The following ATP8B1 variants were observed in gnomAD, a reference collection of about 807,000 sequenced individuals.
ATP8B1 encodes the protein ATPase phospholipid transporting 8B1.
In ATP8B1, 80 loss-of-function variants were observed where a neutral mutation model predicts 149.9. The ratio of observed to expected loss-of-function variants is 0.53; its 90% CI spans 0.45 to 0.64. ATP8B1 has a LOEUF of 0.64. ATP8B1 is among the 30% of genes least tolerant of loss of function. ATP8B1 has a pLI of 0.00. For missense variants in ATP8B1, 1,247 were observed against 1,552.6 expected (o/e 0.80, Z 3.31); for synonymous variants, 536 against 562.8 (o/e 0.95, Z 0.67).
At chr18:57,763,160 G>A (rs146005530) in intron 1 of ATP8B1, among the ~76,000 whole-genome samples, 2,542 of 152,212 alleles carry the variant, frequency 0.017, 46 homozygotes, top group African/African-American at 0.055. Flanking sequence ...TTGGGAAGCC[G>A]AAGCGGGCAG....
chr18:57,718,109 A>G (rs1202002069), intron 2 of ATP8B1, among the ~76,000 whole-genome samples: 2 of 149,366 alleles, frequency 1.3e-5, no homozygotes, highest in Non-Finnish European at 3.0e-5. Flanking sequence ...TAACTAAAAA[A>G]AAAAAAAAAA....
At chr18:57,754,009 T>C (rs1318265862) in intron 1 of ATP8B1, among the ~76,000 whole-genome samples, 8 of 150,556 alleles carry the variant, frequency 5.3e-5, no homozygotes, top group African/African-American at 1.7e-4. Context: ...GAAAATGTTA[T>C]AGAAAACTAT....
intron 1 of ATP8B1, among the ~76,000 whole-genome samples, chr18:57,775,263 C>A (rs1410848029): frequency 1.3e-5 from 2 of 151,752 alleles, no homozygotes; most frequent in Admixed American, 1.3e-4. Context: ...CTGCAGTGAG[C>A]AATGATCATG....
intron 2 of ATP8B1, among the ~76,000 whole-genome samples, chr18:57,729,159 C>T (rs1038949246): frequency 2.0e-5 from 3 of 152,144 alleles, no homozygotes; most frequent in African/African-American, 7.2e-5. Flanking sequence ...ATGAGAGTTT[C>T]CACCCACTAC....
intron 1 of ATP8B1, among the ~76,000 whole-genome samples, chr18:57,734,683 A>G (rs2123163121): frequency 6.6e-6 from 1 of 152,304 alleles, no homozygotes; most frequent in Middle Eastern, 3.4e-3. Flanking sequence ...CCCTATAGTC[A>G]TGGATGCAAA....
intron 2 of ATP8B1, among the ~76,000 whole-genome samples, chr18:57,714,218 G>C (rs1270132641): frequency 2.0e-5 from 3 of 152,214 alleles, no homozygotes; most frequent in Non-Finnish European, 4.4e-5. Context: ...GGGCAGAATA[G>C]TGGAAAGGAC....
intron 26 of ATP8B1, among the ~76,000 whole-genome samples, chr18:57,651,582 A>T (rs1233090993): frequency 6.6e-6 from 1 of 152,104 alleles, no homozygotes; most frequent in Non-Finnish European, 1.5e-5. Flanking sequence ...ACAAGACATT[A>T]ATTTTCACTA....
chr18:57,735,515 AC>A (rs149691963), intron 1 of ATP8B1: 13,275 of 152,788 alleles, frequency 0.087, 791 homozygotes, highest in Non-Finnish European at 0.12. Flanking sequence ...GAGGCTTGCC[AC>A]CATCTTGGAA....
chr18:57,799,977 G>A (rs2080558380), intron 1 of ATP8B1, among the ~76,000 whole-genome samples: 1 of 144,044 alleles, frequency 6.9e-6, no homozygotes. Context: ...CACTCTTCTG[G>A]CAGCAAATTA....
chr18:57,727,572 C>T (rs2079721059), intron 2 of ATP8B1, among the ~76,000 whole-genome samples: 1 of 152,132 alleles, frequency 6.6e-6, no homozygotes, highest in African/African-American at 2.4e-5. Flanking sequence ...TGGTGGATCA[C>T]AAGTTCAGGA....
intron 11 of ATP8B1, among the ~76,000 whole-genome samples, 157 bp from the exon 12 acceptor site, chr18:57,692,154 G>A (rs1912565847): frequency 6.6e-6 from 1 of 152,084 alleles, no homozygotes; most frequent in African/African-American, 2.4e-5. Flanking sequence ...CTATCATAAC[G>A]CTTTGAAAGT....
chr18:57,673,069 T>C (rs1245214187), intron 16 of ATP8B1, among the ~76,000 whole-genome samples: 1 of 92,628 alleles, frequency 1.1e-5, no homozygotes, highest in Non-Finnish European at 2.4e-5. Context: ...ATACACCTTC[T>C]GATGTGATAC....
chr18:57,677,622 A>T (rs960562751), intron 15 of ATP8B1, among the ~76,000 whole-genome samples: 13 of 152,184 alleles, frequency 8.5e-5, no homozygotes, highest in Non-Finnish European at 1.9e-4. Flanking sequence ...CTTCCTAATT[A>T]ATAATTAAAG....
chr18:57,680,615 C>CAAAA (rs773143491), intron 15 of ATP8B1, among the ~76,000 whole-genome samples: 3 of 137,734 alleles, frequency 2.2e-5, no homozygotes, highest in African/African-American at 8.1e-5. Flanking sequence ...CAAAACAAAA[C>CAAAA]AAAAAAAAAA....
chr18:57,729,273 C>T (rs1026769048), intron 2 of ATP8B1, among the ~76,000 whole-genome samples: 1 of 152,096 alleles, frequency 6.6e-6, no homozygotes, highest in Non-Finnish European at 1.5e-5. Context: ...CAAAGTTGAC[C>T]CTGGACCCCA....
chr18:57,748,292 A>T (rs770892732), intron 1 of ATP8B1, among the ~76,000 whole-genome samples: 6 of 152,228 alleles, frequency 3.9e-5, no homozygotes, highest in Non-Finnish European at 7.3e-5. Flanking sequence ...TGAGAGGTTA[A>T]GTTCTTTGCC....
At chr18:57,685,246 C>T in intron 13 of ATP8B1, 131 bp from the exon 14 acceptor site, 1 of 919,258 alleles carries the variant, frequency 1.1e-6, no homozygotes, top group Non-Finnish European at 1.8e-6. Context: ...TATTTATTAT[C>T]TGGCACTTTA....
intron 2 of ATP8B1, among the ~76,000 whole-genome samples, chr18:57,715,222 T>C (rs2079572878): frequency 6.6e-6 from 1 of 152,040 alleles, no homozygotes; most frequent in Non-Finnish European, 1.5e-5. Flanking sequence ...GCAACCGACA[T>C]ACTGAAGAAT....
chr18:57,683,969 T>A, intron 15 of ATP8B1, 67 bp downstream of exon 15: 1 of 1,582,262 alleles, frequency 6.3e-7, no homozygotes, highest in Non-Finnish European at 8.7e-7. Context: ...ATTTGAGCCA[T>A]AAGCAGGAGT....
Sources: gnomAD v4.1 joint callset for allele counts (sites outside exome capture counted in the v4.1 genomes callset) on GRCh38, gnomAD v4.1.1 for gene constraint, MANE v1.5 for transcripts, NCBI Gene and HGNC (gene_info 2026-07-23, HGNC 2026-07-21) for gene names.